KCNB2: variants seen among roughly 807,000 people sequenced by gnomAD.
The protein encoded by KCNB2 is delayed rectifier potassium channel protein.
KCNB2 carries 15 observed loss-of-function variants against 61.5 expected under a neutral mutation model. That is an observed-to-expected ratio of 0.24 (90% CI 0.16 to 0.38). The LOEUF (loss-of-function observed/expected upper bound fraction) is 0.38, where lower values mean the gene tolerates loss of function less well. Among genes scored for constraint, KCNB2 ranks in the 10% least tolerant of loss-of-function variants. The pLI, the probability that KCNB2 is intolerant of heterozygous loss-of-function variation, is 1.00. For missense variants in KCNB2, 828 were observed against 1,125.2 expected (o/e 0.74, Z 3.78); for synonymous variants, 457 against 446.0 (o/e 1.02, Z -0.31).
In KCNB2 at chr8:72,776,649, G is replaced by A. The variant is rs73686511; in HGVS notation, c.580-159286G>A. ...ACACATATGTGGGGTAGGGACTTGA[G>A]GGCTAGGCCTGAGGCAGATGAATCT... On this transcript the variant is annotated intron_variant, in intron 2 of 2. Coordinates refer to ENST00000523207, the MANE Select transcript of KCNB2 (RefSeq NM_004770.3). 4.9e-3 allele frequency among the ~76,000 whole-genome samples: 751 copies of A among 152,284 alleles called. 7 individuals carry two copies. The highest frequency in any genetic ancestry group is 0.017 in the African/African-American group (714 of 41,544).
chr8:72,542,089 CATT>C (rs562728311), intron 1 of KCNB2, among the ~76,000 whole-genome samples: 164 of 152,038 alleles, frequency 1.1e-3, no homozygotes, highest in African/African-American at 3.6e-3. Context: ...ACTATGATAA[CATT>C]ATGAAAACAT....
chr8:72,789,896 G>A (rs991396497), intron 2 of KCNB2, among the ~76,000 whole-genome samples: 3 of 152,014 alleles, frequency 2.0e-5, no homozygotes, highest in African/African-American at 7.2e-5. Flanking sequence ...GGAGAATGTT[G>A]AAAAGATATA....
chr8:72,820,360 C>A (rs2958420), intron 2 of KCNB2, among the ~76,000 whole-genome samples: 11,065 of 152,150 alleles, frequency 0.073, 1,054 homozygotes, highest in East Asian at 0.5. Flanking sequence ...TTCCATTTTC[C>A]TAAATAGTAT....
intron 2 of KCNB2, among the ~76,000 whole-genome samples, chr8:72,796,794 T>C (rs896322492): frequency 6.6e-6 from 1 of 152,306 alleles, no homozygotes; most frequent in Non-Finnish European, 1.5e-5. Flanking sequence ...AAAATAATTG[T>C]ATGAGAACTT....
At chr8:72,903,849 T>G (rs1806127910) in intron 2 of KCNB2, among the ~76,000 whole-genome samples, 2 of 152,138 alleles carry the variant, frequency 1.3e-5, no homozygotes, top group Admixed American at 1.3e-4. Context: ...AAATATTTCT[T>G]TATTCAAAAA....
chr8:72,634,259 G>A (rs955101771), intron 2 of KCNB2, among the ~76,000 whole-genome samples: 6 of 152,170 alleles, frequency 3.9e-5, no homozygotes, highest in African/African-American at 1.4e-4. Flanking sequence ...TAGGAATGGG[G>A]AATAATCTTT....
chr8:72,716,506 A>G (rs1027527605), intron 2 of KCNB2, among the ~76,000 whole-genome samples: 4 of 152,266 alleles, frequency 2.6e-5, no homozygotes, highest in African/African-American at 7.2e-5. Flanking sequence ...GGCTGGTTCA[A>G]CATACGCAAA....
chr8:72,725,773 T>C (rs1018352017), intron 2 of KCNB2, among the ~76,000 whole-genome samples: 10 of 151,556 alleles, frequency 6.6e-5, no homozygotes, highest in African/African-American at 1.9e-4. Flanking sequence ...ATTTTTTCCT[T>C]GTATGCACAG....
intron 2 of KCNB2, among the ~76,000 whole-genome samples, chr8:72,806,452 C>T (rs1197090634): frequency 2.0e-5 from 3 of 148,390 alleles, no homozygotes; most frequent in Admixed American, 2.0e-4. Context: ...CTAAAAAATA[C>T]AAAAAATTAG....
rs1040028926 is a variant in KCNB2 at position 72,687,769 on chromosome 8, A to G, written c.579+119456A>G. 5.3e-5 allele frequency among the ~76,000 whole-genome samples: 8 copies of G among 152,316 alleles called. No homozygotes were observed. In the South Asian group the frequency reaches 1.7e-3, roughly 32 times the overall value. Reference sequence around the variant, plus strand: ...ATAAAAGAGCCTTGGAAATGGAGACATTGATCCATATGCTTTTACTTGACT... The same window carrying G: ...ATAAAAGAGCCTTGGAAATGGAGACGTTGATCCATATGCTTTTACTTGACT... On this transcript the variant is annotated intron_variant, in intron 2 of 2. Coordinates refer to ENST00000523207, the MANE Select transcript of KCNB2 (RefSeq NM_004770.3).
In KCNB2 at chr8:72,839,758, G is replaced by A. The variant is rs1332200633; in HGVS notation, c.580-96177G>A. 3.3e-5 allele frequency among the ~76,000 whole-genome samples: 5 copies of A among 151,636 alleles called. No homozygotes were observed. The Middle Eastern group carries it at 0.01, about 309-fold the overall frequency. ...CTCCTGAGTAGCTGGGACTACAGGC[G>A]CCCGCCACCACGCCCGGCTAATTTT... On this transcript the variant is annotated intron_variant, in intron 2 of 2. Coordinates refer to ENST00000523207, the MANE Select transcript of KCNB2 (RefSeq NM_004770.3).
intron 2 of KCNB2, among the ~76,000 whole-genome samples, chr8:72,901,988 G>A (rs1328390036): frequency 6.6e-6 from 1 of 152,104 alleles, no homozygotes; most frequent in Non-Finnish European, 1.5e-5. Flanking sequence ...AGCAGAAAAG[G>A]GAAGTACTCA....
At chr8:72,681,521 A>G (rs1806753888) in intron 2 of KCNB2, among the ~76,000 whole-genome samples, 1 of 152,086 alleles carries the variant, frequency 6.6e-6, no homozygotes, top group Non-Finnish European at 1.5e-5. Flanking sequence ...CTAAGATAAC[A>G]ATGCCTTCTT....
At chr8:72,758,856 G>GA (rs1169945482) in intron 2 of KCNB2, among the ~76,000 whole-genome samples, 1 of 152,134 alleles carries the variant, frequency 6.6e-6, no homozygotes, top group East Asian at 1.9e-4. Flanking sequence ...CATTAATGGA[G>GA]AAAAAACAGA....
At chr8:72,746,407 C>A (rs1468074569) in intron 2 of KCNB2, among the ~76,000 whole-genome samples, 1 of 152,152 alleles carries the variant, frequency 6.6e-6, no homozygotes, top group African/African-American at 2.4e-5. Context: ...ATGTCCTTAA[C>A]ATTTAGAACC....
At chr8:72,918,282 T>A (rs1345580543) in intron 2 of KCNB2, among the ~76,000 whole-genome samples, 1 of 152,214 alleles carries the variant, frequency 6.6e-6, no homozygotes, top group Non-Finnish European at 1.5e-5. Context: ...TGTCTGTGCT[T>A]TGTTCTCTTG....
At chr8:72,888,241 A>G (rs567986678) in intron 2 of KCNB2, among the ~76,000 whole-genome samples, 12 of 152,044 alleles carry the variant, frequency 7.9e-5, no homozygotes, top group Non-Finnish European at 1.6e-4. Context: ...TAGTGGGACT[A>G]CAAGCACACA....
chr8:72,827,901 C>T (rs1809623060), intron 2 of KCNB2, among the ~76,000 whole-genome samples: 1 of 151,998 alleles, frequency 6.6e-6, no homozygotes, highest in Admixed American at 6.6e-5. Flanking sequence ...CAACCTCCAC[C>T]TCCGGGGTTC....
chr8:72,769,464 A>G (rs977852017), intron 2 of KCNB2, among the ~76,000 whole-genome samples: 2 of 152,214 alleles, frequency 1.3e-5, no homozygotes, highest in Non-Finnish European at 2.9e-5. Context: ...ATATGCACAG[A>G]CAAAACTGAA....
Sources: allele counts gnomAD v4.1 joint callset (sites outside exome capture counted in the v4.1 genomes callset), GRCh38; gene constraint gnomAD v4.1.1; transcripts MANE v1.5; gene names NCBI Gene and HGNC (gene_info 2026-07-23, HGNC 2026-07-21).